Variants in ZNF595 observed in about 807,000 individuals in gnomAD.
ZNF595 encodes zinc finger protein 595.
Under a neutral mutation model 19.4 loss-of-function variants are expected in ZNF595, and 9 were observed. The observed-to-expected ratio is 0.46, with a 90% CI of 0.28 to 0.81. The LOEUF is 0.81. Ranked by LOEUF, ZNF595 falls within the 30% of genes least tolerant of loss-of-function variation. ZNF595 has a pLI of 0.11. For missense variants in ZNF595, 729 were observed against 736.0 expected (o/e 0.99, Z 0.11); for synonymous variants, 255 against 255.9 (o/e 1.00, Z 0.03).
intron 3 of ZNF595, among the ~76,000 whole-genome samples, chr4:74,172 A>G (rs1030943856): frequency 2.0e-5 from 3 of 151,670 alleles, no homozygotes; most frequent in African/African-American, 7.3e-5. Flanking sequence ...TAGCTTGGCA[A>G]GGTGGTGCAT....
chr4:73,473 T>C (rs1713513377), intron 3 of ZNF595, among the ~76,000 whole-genome samples: 1 of 152,114 alleles, frequency 6.6e-6, no homozygotes, highest in African/African-American at 2.4e-5. Flanking sequence ...ACAAAATTAT[T>C]TGTTTATGAG....
rs33985555 is a variant in ZNF595 at position 87,715 on chromosome 4, AT to A, written c.*287del. ...ACACACAGTCCAGTTATACACTTTAATTTTTTTTTTTTTTTTTTTTTTTGAG... is the reference window on the plus strand; with the variant it reads ...ACACACAGTCCAGTTATACACTTTAATTTTTTTTTTTTTTTTTTTTTTGAG... On this transcript the variant is annotated 3_prime_UTR_variant, in exon 4 of 4. Coordinates refer to ENST00000610261, the MANE Select transcript of ZNF595 (RefSeq NM_182524.4). The A allele has an allele frequency of 0.072, 8,452 of 117,818 alleles. 250 individuals carry two copies. The highest frequency in any genetic ancestry group is 0.19 in the African/African-American group (5,343 of 28,436). The allele number at this position is 117,818 out of a possible 1,614,324, so 7.3% of individuals were successfully genotyped here.
At chr4:72,789 T>C (rs1206428846) in intron 3 of ZNF595, among the ~76,000 whole-genome samples, 1 of 152,174 alleles carries the variant, frequency 6.6e-6, no homozygotes, top group Non-Finnish European at 1.5e-5. Flanking sequence ...CTGAGTTCCT[T>C]TTGTATAAAA....
At chr4:72,596 G>C (rs1412064527) in intron 3 of ZNF595, among the ~76,000 whole-genome samples, 1 of 152,180 alleles carries the variant, frequency 6.6e-6, no homozygotes, top group Admixed American at 6.5e-5. Context: ...ATTCCTGGAA[G>C]TGCTCATAAA....
At chr4:64,491 C>T (rs1713000595) in intron 3 of ZNF595, among the ~76,000 whole-genome samples, 1 of 152,310 alleles carries the variant, frequency 6.6e-6, no homozygotes, top group Non-Finnish European at 1.5e-5. Flanking sequence ...TAGTGACTCA[C>T]ACCTGTAATG....
At chr4:67,904 TGA>T (rs1713223947) in intron 3 of ZNF595, 3 of 532,958 alleles carry the variant, frequency 5.6e-6, no homozygotes, top group African/African-American at 3.9e-5. Flanking sequence ...TTTTTTTTTT[TGA>T]GGCGGAGTGG....
chr4:61,401 G>T (rs1234941514), intron 3 of ZNF595, among the ~76,000 whole-genome samples: 1 of 152,248 alleles, frequency 6.6e-6, no homozygotes, highest in African/African-American at 2.4e-5. Context: ...CTTCCAAAGT[G>T]CTAGAATTAC....
intron 3 of ZNF595, among the ~76,000 whole-genome samples, chr4:79,630 A>G (rs1553799454): frequency 6.9e-6 from 1 of 145,646 alleles, no homozygotes; most frequent in African/African-American, 2.5e-5. Context: ...TTATAGCTTT[A>G]TAGTATATTT....
At position 86,883 on chromosome 4, in the gene ZNF595, C is replaced by A. The variant is rs1429066861; in HGVS notation, c.1379C>A (p.Ala460Asp). ...KPYKCEECGKAFTRSTTLNEH... is the reference protein window; with the variant it reads ...KPYKCEECGKDFTRSTTLNEH... ...TACAAATGTGAAGAATGTGGCAAAG[C>A]CTTTACACGGTCCACAACACTGAAC... Residue 460 changes from alanine to aspartate, a missense_variant, in exon 4 of 4, where the codon GCC becomes GAC. By Grantham distance (126) the Ala-to-Asp change is moderately radical. Transcript: ENST00000610261. 9 of 1,611,962 alleles carry A rather than the reference C, an allele frequency of 5.6e-6. No individual in the cohort carries two copies. Among genetic ancestry groups the A allele is most frequent in the African/African-American group, 1.3e-5 (1 of 74,928 alleles).
intron 3 of ZNF595, among the ~76,000 whole-genome samples, chr4:78,485 A>G (rs933760508): frequency 2.6e-5 from 4 of 152,232 alleles, no homozygotes; most frequent in African/African-American, 4.8e-5. Context: ...GCATGTATAA[A>G]TATTGCCCCT....
intron 3 of ZNF595, among the ~76,000 whole-genome samples, chr4:72,351 A>G (rs547441327): frequency 1.3e-5 from 2 of 152,286 alleles, no homozygotes; most frequent in Admixed American, 6.5e-5. Flanking sequence ...AGTTATAAAA[A>G]TATTACTGGG....
At chr4:72,446 G>C (rs558077819) in intron 3 of ZNF595, among the ~76,000 whole-genome samples, 2 of 152,246 alleles carry the variant, frequency 1.3e-5, no homozygotes, top group South Asian at 4.2e-4. Flanking sequence ...AGATACATTG[G>C]TGGTTTATAG....
chr4:86,227 A>G lies in ZNF595; in HGVS notation c.723A>G (p.Thr241=), dbSNP rs1329595706. Reference sequence around the variant, plus strand: ...GTGGCAAAGCCTTTAGACGGTCCACAGTTCTGAACGAACATAAGAAAATTC... The same window carrying G: ...GTGGCAAAGCCTTTAGACGGTCCACGGTTCTGAACGAACATAAGAAAATTC... The part of the protein sequence containing the change: ...EECGKAFRRS[T]VLNEHKKIHT... Residue 241 remains threonine, a synonymous_variant, in exon 4 of 4, where the codon ACA becomes ACG. Coordinates refer to ENST00000610261, the MANE Select transcript of ZNF595 (RefSeq NM_182524.4). 4 of 1,611,812 alleles carry G rather than the reference A, an allele frequency of 2.5e-6. No individual in the cohort carries two copies. Among genetic ancestry groups the G allele is most frequent in the Non-Finnish European group, 3.4e-6 (4 of 1,178,224 alleles).
At chr4:61,166 T>TC (rs1712845110) in intron 3 of ZNF595, among the ~76,000 whole-genome samples, 1 of 152,238 alleles carries the variant, frequency 6.6e-6, no homozygotes, top group African/African-American at 2.4e-5. Context: ...TCTTTTTTTT[T>TC]TTTTTGAGAC....
chr4:61,402 C>T (rs1581323417), intron 3 of ZNF595, among the ~76,000 whole-genome samples: 1 of 152,298 alleles, frequency 6.6e-6, no homozygotes, highest in Non-Finnish European at 1.5e-5. Context: ...TTCCAAAGTG[C>T]TAGAATTACA....
intron 3 of ZNF595, among the ~76,000 whole-genome samples, chr4:61,584 G>A (rs1581323729): frequency 0.037 from 4,469 of 119,282 alleles, no homozygotes; most frequent in Non-Finnish European, 0.057. Context: ...CTGGGATTCT[G>A]TCATTGAGCT....
intron 3 of ZNF595, among the ~76,000 whole-genome samples, chr4:76,627 A>G (rs1432020092): frequency 3.3e-5 from 5 of 152,154 alleles, no homozygotes. Context: ...TGTAAGGTCA[A>G]ATGATTATAA....
intron 3 of ZNF595, among the ~76,000 whole-genome samples, chr4:74,871 T>A (rs1553798438): frequency 6.6e-6 from 1 of 152,238 alleles, no homozygotes. Flanking sequence ...AGCTTGACTT[T>A]TCCCTTTAGC....
Position 66,252 on chromosome 4 carries a change from T to C in ZNF595, c.226+6099T>C, listed in dbSNP as rs1449340340. On this transcript the variant is annotated intron_variant, in intron 3 of 3. Transcript: ENST00000610261. Reference sequence around the variant, plus strand: ...GTTTTTCTTTACATTTTTCTAAAGATTAGAATTTTTTTTCAATAATTGTGT... The same window carrying C: ...GTTTTTCTTTACATTTTTCTAAAGACTAGAATTTTTTTTCAATAATTGTGT... Among the ~76,000 whole-genome samples the C allele has an allele frequency of 5.9e-5, 9 of 151,926 alleles. No individual in the cohort carries two copies. In the South Asian group the frequency reaches 8.3e-4, roughly 14 times the overall value.
Sources: gnomAD v4.1 joint callset for allele counts (sites outside exome capture counted in the v4.1 genomes callset) on GRCh38, gnomAD v4.1.1 for gene constraint, MANE v1.5 for transcripts, NCBI Gene and HGNC (gene_info 2026-07-23, HGNC 2026-07-21) for gene names.